The following MFHAS1 variants were observed in gnomAD, a reference collection of about 807,000 sequenced individuals.
MFHAS1 encodes malignant fibrous histiocytoma-amplified sequence 1.
MFHAS1 carries 50 observed loss-of-function variants against 70.4 expected under a neutral mutation model. The observed-to-expected ratio is 0.71, with a 90% CI of 0.57 to 0.90. The LOEUF is 0.90. Among genes scored for constraint, MFHAS1 ranks in the 40% least tolerant of loss-of-function variants. The probability of loss-of-function intolerance (pLI) is 0.00; values close to 1 mark genes in which losing one functional copy is unlikely to be tolerated. For synonymous variants in MFHAS1, 952 were observed against 620.0 expected, an observed-to-expected ratio of 1.54 and a Z score of -7.96; for missense variants, 1,795 against 1,347.6, an observed-to-expected ratio of 1.33 and a Z score of -5.20.
chr8:8,893,165 T>TCGGCGGC lies in MFHAS1; in HGVS notation c.-114_-108dup. On this transcript the variant is annotated 5_prime_UTR_variant, in exon 1 of 3. It introduces an in-frame stop codon into an upstream open reading frame of the 5' UTR. Coordinates refer to ENST00000276282, the MANE Select transcript of MFHAS1 (RefSeq NM_004225.3). Reference sequence around the variant, plus strand: ...CCTGCCCCTGCCTGCCCTCCCGCGCTCGGCGGCCGGCGGCCGCGGGTCCTA... The same window carrying TCGGCGGC: ...CCTGCCCCTGCCTGCCCTCCCGCGCTCGGCGGCCGGCGGCCGGCGGCCGCGGGTCCTA... 1.4e-5 allele frequency: 10 copies of TCGGCGGC among 696,180 alleles called. No homozygotes were observed. Among genetic ancestry groups the TCGGCGGC allele is most frequent in the Non-Finnish European group, 1.9e-5 (10 of 513,192 alleles). The allele number at this position is 696,180 out of a possible 1,614,324, so 43.1% of individuals were successfully genotyped here. A position where few individuals can be genotyped will look rare whatever the true frequency, so the allele number is the denominator to read the frequency against.
chr8:8,890,671 C>G lies in MFHAS1; in HGVS notation c.2388G>C (p.Gly796=), dbSNP rs1809967322. 4.3e-6 allele frequency: 7 copies of G among 1,613,292 alleles called. No homozygotes were observed. Among genetic ancestry groups the G allele is most frequent in the African/African-American group, 1.3e-5 (1 of 74,928 alleles). ...ACCGAATGACATGAGCTGGCAAGAGCCCATGCAACAGAAAGCCCTCCACAT... is the reference window on the plus strand; with the variant it reads ...ACCGAATGACATGAGCTGGCAAGAGGCCATGCAACAGAAAGCCCTCCACAT... ...HQYVEGFLLH[G]LLPAHVIRLL... is the part of the protein sequence containing the mutation. The change falls in exon 1 of 3, where the codon GGG becomes GGC. Residue 796 remains glycine (G), a synonymous_variant. Coordinates refer to ENST00000276282, the MANE Select transcript of MFHAS1 (RefSeq NM_004225.3).
At chr8:8,819,402 G>A (rs34195798) in intron 1 of MFHAS1, among the ~76,000 whole-genome samples, 1 of 151,856 alleles carries the variant, frequency 6.6e-6, no homozygotes, top group Non-Finnish European at 1.5e-5. Flanking sequence ...TCAGGAGATC[G>A]AGACCATCCT....
chr8:8,797,067 G>A lies in MFHAS1; in HGVS notation c.3125+298C>T, dbSNP rs550535937. ...CAAATAAACTGAAAACCAATGAACT[G>A]TACACTTAGGTAAGTGAACTGTGGT... On this transcript the variant is annotated intron_variant, in intron 2 of 2. Coordinates refer to ENST00000276282, the MANE Select transcript of MFHAS1 (RefSeq NM_004225.3). 2.0e-5 allele frequency among the ~76,000 whole-genome samples: 3 copies of A among 151,006 alleles called. No individual in the cohort carries two copies. In the East Asian group the frequency reaches 5.8e-4, roughly 29 times the overall value.
intron 2 of MFHAS1, among the ~76,000 whole-genome samples, chr8:8,788,652 C>G (rs1265165467): frequency 6.6e-6 from 1 of 152,218 alleles, no homozygotes; most frequent in African/African-American, 2.4e-5. Context: ...ACACTCCAGC[C>G]TGGGTGACAG....
intron 1 of MFHAS1, among the ~76,000 whole-genome samples, chr8:8,883,829 T>C (rs532445146): frequency 2.0e-5 from 3 of 149,344 alleles, no homozygotes; most frequent in African/African-American, 7.4e-5. Context: ...CCTCCTATAA[T>C]ACAGAGTTAA....
At chr8:8,869,529 G>A (rs1808988888) in intron 1 of MFHAS1, among the ~76,000 whole-genome samples, 1 of 151,984 alleles carries the variant, frequency 6.6e-6, no homozygotes, top group Admixed American at 6.6e-5. Context: ...TTATTCCTCT[G>A]CAAATGGCAC....
At chr8:8,809,843 A>G (rs1288835684) in intron 1 of MFHAS1, among the ~76,000 whole-genome samples, 4 of 152,354 alleles carry the variant, frequency 2.6e-5, no homozygotes, top group African/African-American at 9.6e-5. Flanking sequence ...TTATTTTGAT[A>G]GCCTGTCACC....
rs202155225 is a variant in MFHAS1 at position 8,797,432 on chromosome 8, C to T, written c.3058G>A (p.Gly1020Ser). 8.7e-6 allele frequency: 14 copies of T among 1,614,058 alleles called. No homozygotes were observed. The highest frequency in any genetic ancestry group is 3.3e-5 in the South Asian group (3 of 91,066). ...AAGGCAACATTTACTCGCTCGCTGC[C>T]GTTCTTGGGGCAAATGATCTCTGCC... ...GVAEIICPKN[G>S]SERVNVALVY... Residue 1020 changes from glycine to serine, a missense_variant, in exon 2 of 3, where the codon GGC becomes AGC. Transcript: ENST00000276282.
intron 1 of MFHAS1, among the ~76,000 whole-genome samples, chr8:8,859,462 G>A (rs894300216): frequency 6.6e-6 from 1 of 152,156 alleles, no homozygotes; most frequent in African/African-American, 2.4e-5. Flanking sequence ...ACAGTTGATC[G>A]TTTAACAACA....
At chr8:8,824,475 G>A (rs1341542735) in intron 1 of MFHAS1, among the ~76,000 whole-genome samples, 2 of 150,218 alleles carry the variant, frequency 1.3e-5, no homozygotes, top group African/African-American at 2.5e-5. Context: ...GCAGTGCTAG[G>A]GTGAGGGCTT....
chr8:8,794,505 G>A (rs1053635890), intron 2 of MFHAS1, among the ~76,000 whole-genome samples: 2 of 152,164 alleles, frequency 1.3e-5, no homozygotes, highest in Non-Finnish European at 2.9e-5. Context: ...GGTGCTTAAG[G>A]CGGTGAAGGT....
chr8:8,790,931 C>T (rs1245483447), intron 2 of MFHAS1, among the ~76,000 whole-genome samples: 1 of 152,180 alleles, frequency 6.6e-6, no homozygotes, highest in Non-Finnish European at 1.5e-5. Context: ...AGAATACTTA[C>T]AAACAGCTAG....
chr8:8,861,365 T>C (rs1808654608), intron 1 of MFHAS1, among the ~76,000 whole-genome samples: 1 of 152,174 alleles, frequency 6.6e-6, no homozygotes, highest in South Asian at 2.1e-4. Context: ...ATATCAACAA[T>C]TTCATGTGGT....
At chr8:8,864,247 G>T (rs903666136) in intron 1 of MFHAS1, among the ~76,000 whole-genome samples, 1 of 152,074 alleles carries the variant, frequency 6.6e-6, no homozygotes, top group East Asian at 1.9e-4. Flanking sequence ...ACACAGAAGG[G>T]TAAGTTAAAA....
rs1414208301 is a variant in MFHAS1, at chr8:8,891,237, C to A, written c.1822G>T (p.Ala608Ser). ...TGGTTGAGCAGGTATTGAAAATGGG[C>A]CTTGCGCCGTCGAAGGTTCTTGTCC... ...VSDKNLRRRK[A>S]HFQYLLNHRL... The change falls in exon 1 of 3, where the codon GCC becomes TCC. Residue 608 changes from alanine (A) to serine (S), a missense_variant. By Grantham distance (99) the Ala-to-Ser change is moderately conservative. Transcript: ENST00000276282. This position sits in a 1 kb window ranked among gnomAD's most constrained non-coding sequence, Gnocchi z 5.4. The A allele has an allele frequency of 1.2e-6, 2 of 1,612,366 alleles. No individual in the cohort carries two copies.
chr8:8,856,548 G>A (rs1299701662), intron 1 of MFHAS1, among the ~76,000 whole-genome samples: 1 of 152,174 alleles, frequency 6.6e-6, no homozygotes, highest in Non-Finnish European at 1.5e-5. Flanking sequence ...GGGAAACACT[G>A]AATATATTTA....
At chr8:8,889,734 G>C (rs1200503747) in intron 1 of MFHAS1, among the ~76,000 whole-genome samples, 1 of 152,214 alleles carries the variant, frequency 6.6e-6, no homozygotes, top group Non-Finnish European at 1.5e-5. Flanking sequence ...ACACTGTCCA[G>C]AATCTATCTG....
intron 1 of MFHAS1, among the ~76,000 whole-genome samples, chr8:8,817,549 G>T (rs1305173807): frequency 1.3e-5 from 2 of 152,158 alleles, no homozygotes; most frequent in East Asian, 1.9e-4. Flanking sequence ...CTGCAGCCTC[G>T]AGTGCTGCCG....
At chr8:8,886,040 C>T (rs2116939332) in intron 1 of MFHAS1, among the ~76,000 whole-genome samples, 1 of 152,252 alleles carries the variant, frequency 6.6e-6, no homozygotes, top group East Asian at 1.9e-4. Flanking sequence ...ACCCATTTGT[C>T]TTAAATAAGA....
Sources: gnomAD v4.1 joint callset for allele counts (sites outside exome capture counted in the v4.1 genomes callset) on GRCh38, gnomAD v4.1.1 for gene constraint, Gnocchi (gnomAD v3.1) non-coding constraint, MANE v1.5 for transcripts, NCBI Gene and HGNC (gene_info 2026-07-23, HGNC 2026-07-21) for gene names.